Variants in FHIT observed in about 807,000 individuals in gnomAD.
The protein encoded by FHIT is bis(5'-adenosyl)-triphosphatase.
Under a neutral mutation model 17.9 loss-of-function variants are expected in FHIT, and 19 were observed. The ratio of observed to expected loss-of-function variants is 1.06; its 90% confidence interval spans 0.74 to 1.56. FHIT has a LOEUF of 1.56. Among genes scored for constraint, FHIT ranks in the 40% most tolerant of loss-of-function variants. The probability of loss-of-function intolerance (pLI) is 0.00; values close to 1 mark genes in which losing one functional copy is unlikely to be tolerated. For missense variants in FHIT, 248 were observed against 189.2 expected (o/e 1.31, Z -1.82); for synonymous variants, 81 against 69.7 (o/e 1.16, Z -0.81).
intron 3 of FHIT, among the ~76,000 whole-genome samples, chr3:60,955,751 G>T (rs1227392824): frequency 1.3e-5 from 2 of 151,632 alleles, no homozygotes; most frequent in African/African-American, 4.9e-5. Flanking sequence ...AATGGTTACT[G>T]TTGGAAACAA....
intron 1 of FHIT, among the ~76,000 whole-genome samples, chr3:61,204,310 C>A (rs1457908633): frequency 6.6e-6 from 1 of 152,130 alleles, no homozygotes; most frequent in African/African-American, 2.4e-5. Flanking sequence ...TGATCTGTTT[C>A]TTGGCCTAGA....
At chr3:60,054,732 T>A (rs1422341426) in intron 5 of FHIT, among the ~76,000 whole-genome samples, 1 of 152,192 alleles carries the variant, frequency 6.6e-6, no homozygotes, top group Non-Finnish European at 1.5e-5. Context: ...AATCAACAAA[T>A]TCTACATCAT....
chr3:60,955,587 C>CGTATATATACATATATATACATATACAT (rs1553778423), intron 3 of FHIT, among the ~76,000 whole-genome samples: 1 of 22,912 alleles, frequency 4.4e-5, no homozygotes, highest in African/African-American at 2.5e-4. Flanking sequence ...TCTGCTTAGG[C>CGTATATATACATATATATACATATACAT]ATATATATAC....
At chr3:60,677,243 G>C (rs2040642349) in intron 4 of FHIT, among the ~76,000 whole-genome samples, 1 of 152,096 alleles carries the variant, frequency 6.6e-6, no homozygotes, top group African/African-American at 2.4e-5. Context: ...ACCGCATAGT[G>C]GTCAAGTCTG....
At chr3:60,304,367 A>G (rs1192596138) in intron 5 of FHIT, among the ~76,000 whole-genome samples, 1 of 152,016 alleles carries the variant, frequency 6.6e-6, no homozygotes, top group African/African-American at 2.4e-5. Flanking sequence ...GTATTGGCTT[A>G]TTGGAGCAAA....
intron 5 of FHIT, among the ~76,000 whole-genome samples, chr3:60,271,158 G>A (rs551004133): frequency 1.2e-3 from 188 of 152,196 alleles, no homozygotes; most frequent in Admixed American, 2.2e-3. Flanking sequence ...CCAGAACTTT[G>A]GGAAACAAAG....
rs1236706204 is a variant in FHIT, at chr3:60,860,945, T to C, written c.-110-38934A>G. On this transcript the variant is annotated intron_variant, in intron 3 of 9. Coordinates refer to ENST00000492590, the MANE Select transcript of FHIT (RefSeq NM_002012.4). ...CATATATACGTATATATCATGTATATATGATACATATATACGTATATATCA... is the reference window on the plus strand; with the variant it reads ...CATATATACGTATATATCATGTATACATGATACATATATACGTATATATCA... Among the ~76,000 whole-genome samples, 16 of 106,716 alleles carry C rather than the reference T, an allele frequency of 1.5e-4. 2 individuals are homozygous for C. Among genetic ancestry groups the C allele is most frequent in the Non-Finnish European group, 3.2e-4 (16 of 50,298 alleles). The allele number at this position is 106,716 out of a possible 152,430, so 70.0% of individuals were successfully genotyped here.
chr3:59,779,348 A>C (rs1702468844), intron 8 of FHIT, among the ~76,000 whole-genome samples: 1 of 152,184 alleles, frequency 6.6e-6, no homozygotes, highest in Non-Finnish European at 1.5e-5. Flanking sequence ...TGAAGCCAAC[A>C]GAATCAAACC....
chr3:60,462,527 A>G (rs1020185915), intron 5 of FHIT, among the ~76,000 whole-genome samples: 7 of 152,202 alleles, frequency 4.6e-5, no homozygotes, highest in African/African-American at 1.7e-4. Flanking sequence ...GGCAGGGAGA[A>G]CACCACTGAG....
At chr3:59,967,254 A>T (rs918409306) in intron 7 of FHIT, among the ~76,000 whole-genome samples, 15 of 152,272 alleles carry the variant, frequency 9.9e-5, no homozygotes, top group Middle Eastern at 3.4e-3. Flanking sequence ...TTATCTTTTT[A>T]AAAAAATAAT....
intron 7 of FHIT, among the ~76,000 whole-genome samples, chr3:59,952,302 C>T (rs936307755): frequency 6.6e-6 from 1 of 152,166 alleles, no homozygotes; most frequent in Non-Finnish European, 1.5e-5. Flanking sequence ...GCATTAAGTT[C>T]ACCAGGTATA....
At chr3:60,233,172 A>G (rs1212343257) in intron 5 of FHIT, among the ~76,000 whole-genome samples, 1 of 152,196 alleles carries the variant, frequency 6.6e-6, no homozygotes, top group Non-Finnish European at 1.5e-5. Flanking sequence ...TTTTATAATA[A>G]AAAACTATTA....
At chr3:60,276,533 G>C (rs1166204757) in intron 5 of FHIT, among the ~76,000 whole-genome samples, 1 of 152,144 alleles carries the variant, frequency 6.6e-6, no homozygotes, top group African/African-American at 2.4e-5. Context: ...CCTCAATAGT[G>C]TTTGTGTCAC....
In FHIT at chr3:59,917,460, C is replaced by A. The variant is rs553020013; in HGVS notation, c.348+4886G>T. On this transcript the variant is annotated intron_variant, in intron 8 of 9. Coordinates refer to ENST00000492590, the MANE Select transcript of FHIT (RefSeq NM_002012.4). ...TGACATTAGGCCATGGGTGTTTCCT[C>A]CCCCACATTGGCTATACACACTCTT... Among the ~76,000 whole-genome samples, 20 of 152,258 alleles carry A rather than the reference C, an allele frequency of 1.3e-4. No homozygotes were observed. The South Asian group carries it at 4.2e-3, about 32-fold the overall frequency.
chr3:60,533,050 T>C (rs1357271981), intron 5 of FHIT, among the ~76,000 whole-genome samples: 1 of 152,214 alleles, frequency 6.6e-6, no homozygotes, highest in African/African-American at 2.4e-5. Flanking sequence ...GATTGGTCCA[T>C]TCACAAATTA....
intron 5 of FHIT, among the ~76,000 whole-genome samples, chr3:60,376,407 G>A (rs1273507241): frequency 2.0e-5 from 3 of 152,194 alleles, no homozygotes; most frequent in Non-Finnish European, 4.4e-5. Context: ...TTCTGGAAAA[G>A]TCCAGAAAAT....
At chr3:59,973,689 C>T (rs574398570) in intron 7 of FHIT, among the ~76,000 whole-genome samples, 125 of 152,232 alleles carry the variant, frequency 8.2e-4, no homozygotes, top group African/African-American at 2.6e-3. Flanking sequence ...TTTTGTTCAA[C>T]ATTTCATCCC....
At chr3:60,692,131 G>T (rs545219788) in intron 4 of FHIT, among the ~76,000 whole-genome samples, 1 of 152,234 alleles carries the variant, frequency 6.6e-6, no homozygotes, top group South Asian at 2.1e-4. Context: ...GTTGGGATTG[G>T]CATAGACTCA....
intron 4 of FHIT, among the ~76,000 whole-genome samples, chr3:60,623,272 A>C (rs568273151): frequency 6.6e-6 from 1 of 152,194 alleles, no homozygotes; most frequent in Non-Finnish European, 1.5e-5. Context: ...TGCAAGCACA[A>C]GATCTTGCAG....
Sources: gnomAD v4.1 joint callset for allele counts (sites outside exome capture counted in the v4.1 genomes callset) on GRCh38, gnomAD v4.1.1 for gene constraint, MANE v1.5 for transcripts, NCBI Gene and HGNC (gene_info 2026-07-23, HGNC 2026-07-21) for gene names.